PRKCB: variants seen among roughly 807,000 people sequenced by gnomAD.
PRKCB encodes protein kinase C beta type.
Under a neutral mutation model 81.5 loss-of-function variants are expected in PRKCB, and 13 were observed. The observed-to-expected ratio is 0.16, with a 90% CI of 0.10 to 0.25. The LOEUF is 0.25. Among genes scored for constraint, PRKCB ranks in the 10% least tolerant of loss-of-function variants. The pLI, the probability that PRKCB is intolerant of heterozygous loss-of-function variation, is 1.00. For missense variants in PRKCB, 509 were observed against 875.7 expected (o/e 0.58, Z 5.29); for synonymous variants, 335 against 321.4 (o/e 1.04, Z -0.45).
intron 2 of PRKCB, among the ~76,000 whole-genome samples, chr16:23,936,556 G>C (rs1025988172): frequency 3.4e-5 from 5 of 149,088 alleles, no homozygotes; most frequent in Non-Finnish European, 7.4e-5. Context: ...GAGGTCACAG[G>C]TGTGCACCAC....
chr16:24,164,483 A>G (rs1032713345), intron 10 of PRKCB, among the ~76,000 whole-genome samples: 3 of 152,230 alleles, frequency 2.0e-5, no homozygotes, highest in Admixed American at 1.3e-4. Context: ...AATCACAATA[A>G]CAATGACAAT....
chr16:24,206,468 C>A (rs1017205300), intron 16 of PRKCB, among the ~76,000 whole-genome samples: 5 of 152,202 alleles, frequency 3.3e-5, no homozygotes, highest in Admixed American at 2.0e-4. Flanking sequence ...GGTAGCTCCC[C>A]TGAGCCACTA....
At chr16:23,933,226 G>A (rs1964002800) in intron 2 of PRKCB, among the ~76,000 whole-genome samples, 1 of 152,166 alleles carries the variant, frequency 6.6e-6, no homozygotes, top group African/African-American at 2.4e-5. Flanking sequence ...CTGCTCTGGA[G>A]GCTGTTAGGT....
intron 2 of PRKCB, among the ~76,000 whole-genome samples, chr16:23,953,888 C>CTTTTT (rs5816234): frequency 1.4e-5 from 2 of 146,346 alleles, no homozygotes. Flanking sequence ...AGGCATCCAT[C>CTTTTT]TTTTTTTTTT....
chr16:24,207,298 G>C (rs370541050), intron 16 of PRKCB, among the ~76,000 whole-genome samples: 5 of 152,076 alleles, frequency 3.3e-5, no homozygotes, highest in African/African-American at 1.2e-4. Flanking sequence ...CATGATAATT[G>C]CTGTCTCATT....
At chr16:24,131,165 G>A (rs1186368748) in intron 9 of PRKCB, among the ~76,000 whole-genome samples, 1 of 152,188 alleles carries the variant, frequency 6.6e-6, no homozygotes, top group East Asian at 1.9e-4. Context: ...AAAAAGTGAA[G>A]TTACTATAGA....
chr16:24,185,508 G>A lies in PRKCB; in HGVS notation c.1663G>A (p.Glu555Lys). 1.2e-6 allele frequency: 2 copies of A among 1,614,126 alleles called. No individual in the cohort carries two copies. The highest frequency in any genetic ancestry group is 1.7e-6 in the Non-Finnish European group (2 of 1,180,000). Residue 555 changes from glutamate to lysine, a missense_variant, in exon 15 of 17, where the codon GAA becomes AAA. Physicochemically the swap from Glu to Lys is moderately conservative, Grantham distance 56. Around this residue, in one of 6 missense-constraint regions of PRKCB, gnomAD observed 104 missense variants for 160.5 expected, o/e 0.65. Transcript: ENST00000643927. Reference sequence around the variant, plus strand: ...AGATGAACTCTTCCAATCCATCATGGAACACAACGTAGCCTATCCCAAGTC... The same window carrying A: ...AGATGAACTCTTCCAATCCATCATGAAACACAACGTAGCCTATCCCAAGTC... Reference protein sequence around the residue: ...DEDELFQSIMEHNVAYPKSMS... With the variant: ...DEDELFQSIMKHNVAYPKSMS...
chr16:24,201,796 G>C (rs1967960980), intron 16 of PRKCB, among the ~76,000 whole-genome samples: 1 of 152,210 alleles, frequency 6.6e-6, no homozygotes, highest in Non-Finnish European at 1.5e-5. Flanking sequence ...AGCACTTTGG[G>C]AGGCTGAGGC....
At chr16:24,096,083 A>G (rs927295199) in intron 7 of PRKCB, among the ~76,000 whole-genome samples, 8 of 152,110 alleles carry the variant, frequency 5.3e-5, no homozygotes, top group African/African-American at 1.9e-4. Flanking sequence ...GGATCACGAG[A>G]TCGGGAGATC....
At chr16:23,957,461 G>A (rs1251014351) in intron 2 of PRKCB, among the ~76,000 whole-genome samples, 1 of 152,138 alleles carries the variant, frequency 6.6e-6, no homozygotes, top group East Asian at 1.9e-4. Flanking sequence ...CCCACCCAAA[G>A]CCCCAGGTGT....
chr16:24,061,770 GAAA>G (rs1965975298), intron 5 of PRKCB, among the ~76,000 whole-genome samples: 1 of 151,782 alleles, frequency 6.6e-6, no homozygotes, highest in Non-Finnish European at 1.5e-5. Flanking sequence ...TCCCGGGAGG[GAAA>G]ACAGAAAAGC....
chr16:23,955,276 C>T (rs1345567257), intron 2 of PRKCB, among the ~76,000 whole-genome samples: 1 of 152,028 alleles, frequency 6.6e-6, no homozygotes, highest in Non-Finnish European at 1.5e-5. Context: ...TGAAGAGAAG[C>T]AGTTAATAAA....
At chr16:24,139,313 A>T (rs1270554649) in intron 9 of PRKCB, among the ~76,000 whole-genome samples, 1 of 152,240 alleles carries the variant, frequency 6.6e-6, no homozygotes, top group East Asian at 1.9e-4. Context: ...ATCAACAATT[A>T]GACGACACAG....
intron 9 of PRKCB, among the ~76,000 whole-genome samples, chr16:24,147,293 G>A (rs1967006211): frequency 7.2e-6 from 1 of 139,124 alleles, no homozygotes; most frequent in African/African-American, 2.8e-5. Flanking sequence ...GGGCAACAGA[G>A]GAGACTCTGT....
At chr16:24,161,815 G>GT (rs938768723) in intron 10 of PRKCB, among the ~76,000 whole-genome samples, 22 of 152,252 alleles carry the variant, frequency 1.4e-4, no homozygotes, top group African/African-American at 5.3e-4. Flanking sequence ...TGAAATGGAG[G>GT]TTGCCGGCAT....
intron 9 of PRKCB, among the ~76,000 whole-genome samples, chr16:24,150,785 A>G (rs1428213412): frequency 1.3e-5 from 2 of 152,112 alleles, no homozygotes; most frequent in Non-Finnish European, 2.9e-5. Context: ...AGCCTATAAT[A>G]TTTCCTGTTT....
At chr16:24,160,738 A>T (rs527292448) in intron 10 of PRKCB, among the ~76,000 whole-genome samples, 1 of 152,270 alleles carries the variant, frequency 6.6e-6, no homozygotes, top group South Asian at 2.1e-4. Flanking sequence ...ATGGAGATGG[A>T]TGGATTGGGG....
chr16:23,982,911 G>C (rs747888043), intron 2 of PRKCB, among the ~76,000 whole-genome samples: 2 of 152,118 alleles, frequency 1.3e-5, no homozygotes, highest in Non-Finnish European at 2.9e-5. Context: ...AGGCATTTGA[G>C]TTTCAGACCC....
Position 24,123,972 on chromosome 16 carries a change from C to T in PRKCB, c.1056C>T (p.Ser352=). The T allele has an allele frequency of 1.2e-6, 2 of 1,614,112 alleles. No homozygotes were observed. Among genetic ancestry groups the T allele is most frequent in the Non-Finnish European group, 8.5e-7 (1 of 1,179,994 alleles). The part of the protein sequence containing the change: ...FNFLMVLGKG[S]FGKVMLSERK... ...TCCTAATGGTGCTGGGGAAAGGCAG[C>T]TTTGGCAAGGTATGGTATGATTTGG... The change falls in exon 9 of 17, where the codon AGC becomes AGT. Residue 352 remains serine (S), a synonymous_variant. Transcript: ENST00000643927.
Sources: allele counts gnomAD v4.1 joint callset (sites outside exome capture counted in the v4.1 genomes callset), GRCh38; gene constraint gnomAD v4.1.1; regional missense constraint gnomAD v4.1.1; transcripts MANE v1.5; gene names NCBI Gene and HGNC (gene_info 2026-07-23, HGNC 2026-07-21).